The following UBE2D1 variants were observed in gnomAD, a reference collection of about 807,000 sequenced individuals.
The protein encoded by UBE2D1 is ubiquitin conjugating enzyme E2 D1, also known as ubiquitin-conjugating enzyme E2 D1.
A neutral mutation model predicts 24.6 loss-of-function variants in UBE2D1; 9 were observed. The observed-to-expected ratio is 0.37, with a 90% CI of 0.22 to 0.64. The LOEUF (loss-of-function observed/expected upper bound fraction) is 0.64, where lower values mean the gene tolerates loss of function less well. Among genes scored for constraint, UBE2D1 ranks in the 30% least tolerant of loss-of-function variants. The probability of loss-of-function intolerance (pLI) is 0.64; values close to 1 mark genes in which losing one functional copy is unlikely to be tolerated. For missense variants in UBE2D1, 87 were observed against 177.1 expected, an observed-to-expected ratio of 0.49 and a Z score of 2.89; for synonymous variants, 57 against 57.6, an observed-to-expected ratio of 0.99 and a Z score of 0.04.
chr10:58,362,531 A>C (rs1258259904), intron 3 of UBE2D1, among the ~76,000 whole-genome samples: 1 of 152,170 alleles, frequency 6.6e-6, no homozygotes, highest in Non-Finnish European at 1.5e-5. Context: ...TCTCATTTAA[A>C]GGCCCACCCT....
chr10:58,368,621 AT>A (rs1327388687), intron 6 of UBE2D1, 98 bp from the exon 7 acceptor site: 22 of 693,066 alleles, frequency 3.2e-5, no homozygotes, highest in Non-Finnish European at 4.3e-5. Flanking sequence ...GATTATTGCA[AT>A]TAAGTATAAG....
At chr10:58,366,100 GT>G (rs11301989) in intron 5 of UBE2D1, among the ~76,000 whole-genome samples, 79,542 of 151,962 alleles carry the variant, frequency 0.52, 21,795 homozygotes, top group African/African-American at 0.7. Context: ...GTGTTGAAGG[GT>G]TAATTCAAGT....
intron 1 of UBE2D1, among the ~76,000 whole-genome samples, chr10:58,355,186 A>C (rs183872603): frequency 2.5e-4 from 38 of 152,328 alleles, no homozygotes; most frequent in Admixed American, 1.2e-3. Flanking sequence ...AGACTTCCTG[A>C]AAGTGTTTTA....
intron 1 of UBE2D1, among the ~76,000 whole-genome samples, chr10:58,340,022 T>C (rs1329947041): frequency 2.6e-5 from 4 of 152,154 alleles, no homozygotes; most frequent in African/African-American, 9.7e-5. Flanking sequence ...TGGAAACAAA[T>C]TGGGTATGAA....
In UBE2D1 at chr10:58,370,383, A is replaced by T. The variant is rs1459666005; in HGVS notation, c.*1618A>T. ...GAGTATTTTGTCATGGTTCATTATTATTAAAGCACAAAATAACCTATTGTT... is the reference window on the plus strand; with the variant it reads ...GAGTATTTTGTCATGGTTCATTATTTTTAAAGCACAAAATAACCTATTGTT... On this transcript the variant is annotated 3_prime_UTR_variant, in exon 7 of 7. Coordinates refer to ENST00000373910, the MANE Select transcript of UBE2D1 (RefSeq NM_003338.5). 1 of 152,602 alleles carries T rather than the reference A, an allele frequency of 6.6e-6. No homozygotes were observed. The highest frequency in any genetic ancestry group is 1.5e-5 in the Non-Finnish European group (1 of 67,940). 9.5% of individuals were successfully genotyped at this position (152,602 alleles called of 1,614,324 possible).
intron 1 of UBE2D1, among the ~76,000 whole-genome samples, chr10:58,354,339 A>G (rs1840108342): frequency 6.6e-6 from 1 of 152,168 alleles, no homozygotes. Context: ...GAAAATTATA[A>G]GGGCCAGAAA....
chr10:58,351,757 T>C (rs1840079573), intron 1 of UBE2D1, among the ~76,000 whole-genome samples: 1 of 152,256 alleles, frequency 6.6e-6, no homozygotes, highest in African/African-American at 2.4e-5. Context: ...TTATGCACCA[T>C]ACACAGTTGT....
intron 1 of UBE2D1, among the ~76,000 whole-genome samples, chr10:58,344,875 T>C (rs1050670796): frequency 2.0e-5 from 3 of 151,632 alleles, no homozygotes; most frequent in Non-Finnish European, 4.4e-5. Context: ...TTGTTTTTTT[T>C]TTTTTTAATG....
At chr10:58,343,187 TTCCAGTTGGTA>T (rs1419757908) in intron 1 of UBE2D1, among the ~76,000 whole-genome samples, 1 of 152,212 alleles carries the variant, frequency 6.6e-6, no homozygotes, top group East Asian at 1.9e-4. Flanking sequence ...TTTTGGTATT[TTCCAGTTGGTA>T]TCTATTGACT....
At chr10:58,352,119 C>CT (rs529276359) in intron 1 of UBE2D1, among the ~76,000 whole-genome samples, 1 of 151,786 alleles carries the variant, frequency 6.6e-6, no homozygotes, top group Non-Finnish European at 1.5e-5. Flanking sequence ...TTTCACATTT[C>CT]TTTTTTTTCT....
At chr10:58,341,375 TTGAGA>T (rs1307294870) in intron 1 of UBE2D1, among the ~76,000 whole-genome samples, 1 of 152,226 alleles carries the variant, frequency 6.6e-6, no homozygotes, top group African/African-American at 2.4e-5. Context: ...ATGGTTTTCC[TTGAGA>T]TGAGAGCGAG....
chr10:58,367,824 T>G (rs1223898883), intron 5 of UBE2D1, 99 bp from the exon 6 acceptor site: 1 of 592,676 alleles, frequency 1.7e-6, no homozygotes, highest in East Asian at 3.0e-5. Flanking sequence ...GTTTTTTTTA[T>G]AAGTACAGTA....
At chr10:58,365,570 A>G (rs1322220541) in intron 5 of UBE2D1, among the ~76,000 whole-genome samples, 1 of 152,224 alleles carries the variant, frequency 6.6e-6, no homozygotes, top group East Asian at 1.9e-4. Context: ...CTGATTCTCA[A>G]CTTTTACAGG....
rs755191314 is a variant in UBE2D1, at chr10:58,361,511, C to T, written c.105C>T (p.Ala35=). The T allele has an allele frequency of 5.6e-5, 90 of 1,613,958 alleles. No homozygotes were observed. The highest frequency in any genetic ancestry group is 9.3e-6 in the Non-Finnish European group (11 of 1,180,018). The change falls in exon 3 of 7, where the codon GCC becomes GCT. Residue 35 remains alanine, a synonymous_variant. Transcript: ENST00000373910. ...PVGDDLFHWQ[A]TIMGPPDSAY... is the part of the protein sequence containing the mutation. ...TTGTTTCAGTGTTCCACTGGCAAGC[C>T]ACTATTATGGGGCCTGTAAGTATGA... is the stretch of plus-strand genomic sequence containing the variant.
At chr10:58,344,639 A>G (rs1045106698) in intron 1 of UBE2D1, among the ~76,000 whole-genome samples, 1 of 152,164 alleles carries the variant, frequency 6.6e-6, no homozygotes, top group African/African-American at 2.4e-5. Flanking sequence ...AAATGTTGAC[A>G]TCTCTTAATG....
chr10:58,335,340 G>A (rs1020684523), intron 1 of UBE2D1, 115 bp downstream of exon 1: 49 of 1,248,522 alleles, frequency 3.9e-5, no homozygotes, highest in African/African-American at 2.9e-4. Context: ...GGTGGGCCGG[G>A]GTGCGGGCAG....
chr10:58,359,145 A>T (rs1193845613), intron 1 of UBE2D1, among the ~76,000 whole-genome samples: 2 of 152,070 alleles, frequency 1.3e-5, no homozygotes, highest in Non-Finnish European at 2.9e-5. Flanking sequence ...TTTCTTAGGA[A>T]GGCCTTTCCC....
intron 1 of UBE2D1, among the ~76,000 whole-genome samples, chr10:58,342,027 T>C (rs1272000447): frequency 1.3e-5 from 2 of 152,216 alleles, no homozygotes; most frequent in African/African-American, 2.4e-5. Flanking sequence ...GTTTTATTTC[T>C]GGCCCATCTT....
chr10:58,367,822 T>A (rs1309888769), intron 5 of UBE2D1, 101 bp from the exon 6 acceptor site: 6 of 584,128 alleles, frequency 1.0e-5, no homozygotes, highest in African/African-American at 3.8e-5. Flanking sequence ...ATGTTTTTTT[T>A]ATAAGTACAG....
Sources: gnomAD v4.1 joint callset for allele counts (sites outside exome capture counted in the v4.1 genomes callset) on GRCh38, gnomAD v4.1.1 for gene constraint, MANE v1.5 for transcripts, NCBI Gene and HGNC (gene_info 2026-07-23, HGNC 2026-07-21) for gene names.